Variants in IGF2BP2 observed in about 807,000 individuals in gnomAD.
IGF2BP2 encodes the protein insulin-like growth factor 2 mRNA-binding protein 2.
Under a neutral mutation model 75.8 loss-of-function variants are expected in IGF2BP2, and 17 were observed. That is an observed-to-expected ratio of 0.22 (90% CI 0.15 to 0.34). The LOEUF is 0.34. Ranked by LOEUF, IGF2BP2 falls within the 10% of genes least tolerant of loss-of-function variation. The pLI is 1.00. For missense variants in IGF2BP2, 516 were observed against 772.4 expected (o/e 0.67, Z 3.93); for synonymous variants, 288 against 295.6 (o/e 0.97, Z 0.26).
chr3:185,678,925 T>C (rs1048994558), intron 7 of IGF2BP2, among the ~76,000 whole-genome samples: 7 of 152,184 alleles, frequency 4.6e-5, no homozygotes, highest in Non-Finnish European at 8.8e-5. Context: ...ATTCATCTGA[T>C]AATAGTATAG....
chr3:185,800,429 A>G (rs1738055200), intron 2 of IGF2BP2, among the ~76,000 whole-genome samples: 1 of 152,092 alleles, frequency 6.6e-6, no homozygotes, highest in African/African-American at 2.4e-5. Flanking sequence ...TAATAATAAA[A>G]TACAATAATA....
At chr3:185,782,917 A>G (rs547385080) in intron 2 of IGF2BP2, among the ~76,000 whole-genome samples, 1 of 152,120 alleles carries the variant, frequency 6.6e-6, no homozygotes, top group South Asian at 2.1e-4. Context: ...ATTGTTTTCA[A>G]CTCCATCTTT....
chr3:185,770,378 G>A (rs968940794), intron 2 of IGF2BP2, among the ~76,000 whole-genome samples: 11 of 152,272 alleles, frequency 7.2e-5, no homozygotes, highest in Admixed American at 2.6e-4. Context: ...CAAAACCAAC[G>A]AACAGAGATT....
At chr3:185,768,479 C>A (rs1411874042) in intron 2 of IGF2BP2, among the ~76,000 whole-genome samples, 1 of 152,088 alleles carries the variant, frequency 6.6e-6, no homozygotes, top group Non-Finnish European at 1.5e-5. Flanking sequence ...CATGTTAACC[C>A]TTTTAAGTCA....
At chr3:185,723,229 T>A (rs1560360375) in intron 2 of IGF2BP2, among the ~76,000 whole-genome samples, 2 of 152,184 alleles carry the variant, frequency 1.3e-5, no homozygotes, top group Non-Finnish European at 2.9e-5. Context: ...CGCAAACAGC[T>A]AAGTTTCTAT....
At chr3:185,779,701 C>T (rs917689797) in intron 2 of IGF2BP2, among the ~76,000 whole-genome samples, 1 of 152,122 alleles carries the variant, frequency 6.6e-6, no homozygotes, top group African/African-American at 2.4e-5. Flanking sequence ...AGTCTGCACG[C>T]TAAGGTTTAC....
At chr3:185,753,785 T>C (rs1731251269) in intron 2 of IGF2BP2, among the ~76,000 whole-genome samples, 2 of 152,152 alleles carry the variant, frequency 1.3e-5, no homozygotes. Context: ...ATTCCCAATG[T>C]TGGAGGTGGG....
chr3:185,664,034 G>A (rs550405186), intron 10 of IGF2BP2, among the ~76,000 whole-genome samples: 2 of 152,320 alleles, frequency 1.3e-5, no homozygotes, highest in Admixed American at 6.5e-5. Context: ...AGGAAGGGGC[G>A]ACGACTTGGC....
At chr3:185,742,300 C>G (rs1053173761) in intron 2 of IGF2BP2, among the ~76,000 whole-genome samples, 41 of 152,012 alleles carry the variant, frequency 2.7e-4, no homozygotes, top group African/African-American at 9.7e-4. Context: ...TCGAGACCAG[C>G]CAGGCCAACA....
chr3:185,786,318 G>A (rs975058803), intron 2 of IGF2BP2, among the ~76,000 whole-genome samples: 1 of 152,024 alleles, frequency 6.6e-6, no homozygotes, highest in African/African-American at 2.4e-5. Flanking sequence ...TCAGGCCTCT[G>A]AGCCCAAGCT....
rs564353704 is a variant in IGF2BP2, at chr3:185,821,243, C to T, written c.239+1910G>A. On this transcript the variant is annotated intron_variant, in intron 2 of 15. Coordinates refer to ENST00000382199, the MANE Select transcript of IGF2BP2 (RefSeq NM_006548.6). ...CCTCTAGAGCAGCAGCTTATGCATACATTTGGAATGTTAAACATTTTCAGT... is the reference window on the plus strand; with the variant it reads ...CCTCTAGAGCAGCAGCTTATGCATATATTTGGAATGTTAAACATTTTCAGT... 1.1e-4 allele frequency: 94 copies of T among 863,272 alleles called. No individual in the cohort carries two copies. In the East Asian group the frequency reaches 2.6e-3, roughly 24 times the overall value. The allele number at this position is 863,272 out of a possible 1,614,324, so 53.5% of individuals were successfully genotyped here.
rs1298867398 is a variant in IGF2BP2 at position 185,745,429 on chromosome 3, TATAA to T, written c.240-47086_240-47083del. ...GGGTTCGAGGTTAGTAGAGAGGTTT[TATAA>T]ATATTTACTGAACAAAACTCTGCCT... On this transcript the variant is annotated intron_variant, in intron 2 of 15. Coordinates refer to ENST00000382199, the MANE Select transcript of IGF2BP2 (RefSeq NM_006548.6). Among the ~76,000 whole-genome samples the T allele has an allele frequency of 3.3e-5, 5 of 152,294 alleles. No individual in the cohort carries two copies. In the East Asian group the frequency reaches 9.6e-4, roughly 29 times the overall value.
At chr3:185,730,469 T>C (rs1018244365) in intron 2 of IGF2BP2, among the ~76,000 whole-genome samples, 3 of 147,718 alleles carry the variant, frequency 2.0e-5, no homozygotes, top group African/African-American at 7.6e-5. Context: ...AGTTTGACTC[T>C]TGTTTCCCAG....
At chr3:185,699,233 T>C (rs942093537) in intron 2 of IGF2BP2, among the ~76,000 whole-genome samples, 5 of 152,202 alleles carry the variant, frequency 3.3e-5, no homozygotes, top group Non-Finnish European at 1.5e-5. Context: ...TACAGACTCA[T>C]CTTTTCAATT....
chr3:185,720,525 A>T (rs1254958667), intron 2 of IGF2BP2, among the ~76,000 whole-genome samples: 1 of 152,184 alleles, frequency 6.6e-6, no homozygotes, highest in Non-Finnish European at 1.5e-5. Context: ...AAGGATGCAC[A>T]CAATTGGCTC....
Position 185,675,931 on chromosome 3 carries a change from C to G in IGF2BP2, c.813-18G>C. 1.2e-6 allele frequency: 2 copies of G among 1,613,010 alleles called. No homozygotes were observed. The highest frequency in any genetic ancestry group is 1.7e-6 in the Non-Finnish European group (2 of 1,179,626). On this transcript the variant is annotated intron_variant, in intron 7 of 15. Coordinates refer to ENST00000382199, the MANE Select transcript of IGF2BP2 (RefSeq NM_006548.6). ...CTTCGGCTCTAAAAGAGACAAGCAGCAAGTTAACACTTCAGATACGTATAA... is the reference window on the plus strand; with the variant it reads ...CTTCGGCTCTAAAAGAGACAAGCAGGAAGTTAACACTTCAGATACGTATAA...
chr3:185,646,539 G>T (rs1272653891), intron 15 of IGF2BP2, among the ~76,000 whole-genome samples: 1 of 152,252 alleles, frequency 6.6e-6, no homozygotes, highest in Admixed American at 6.5e-5. Flanking sequence ...CTGTGTGGAG[G>T]TGCAGTATTT....
At position 185,689,503 on chromosome 3, in the gene IGF2BP2, G is replaced by A. The variant is rs758766707; in HGVS notation, c.529C>T (p.Arg177Trp). The A allele has an allele frequency of 3.7e-5, 59 of 1,613,874 alleles. No individual in the cohort carries two copies. The highest frequency in any genetic ancestry group is 4.5e-5 in the East Asian group (2 of 44,892). ...QRAQRGDHSS[R>W]EQGHAPGGTS... The stretch of plus-strand genomic sequence containing the variant: ...CCCCCAGGGGCGTGGCCTTGCTCCC[G>A]GGAAGAGTGGTCCCCACGCTGGGCT... The change falls in exon 6 of 16, where the codon CGG becomes TGG. Residue 177 changes from arginine to tryptophan, a missense_variant. Arg to Trp is a moderately radical substitution (Grantham distance 101, BLOSUM62 -3). Coordinates refer to ENST00000382199, the MANE Select transcript of IGF2BP2 (RefSeq NM_006548.6).
intron 2 of IGF2BP2, among the ~76,000 whole-genome samples, chr3:185,805,460 G>C (rs1738887566): frequency 6.6e-6 from 1 of 152,150 alleles, no homozygotes; most frequent in African/African-American, 2.4e-5. Context: ...GGCAAATTAA[G>C]GAGGAATAAT....
Sources: gnomAD v4.1 joint callset for allele counts (sites outside exome capture counted in the v4.1 genomes callset) on GRCh38, gnomAD v4.1.1 for gene constraint, MANE v1.5 for transcripts, NCBI Gene and HGNC (gene_info 2026-07-23, HGNC 2026-07-21) for gene names.